Variants in TAF2 observed in about 807,000 individuals in gnomAD.
The protein encoded by TAF2 is transcription initiation factor TFIID subunit 2.
TAF2 carries 61 observed loss-of-function variants against 138.5 expected under a neutral mutation model. That is an observed-to-expected ratio of 0.44 (90% CI 0.36 to 0.54). The LOEUF (loss-of-function observed/expected upper bound fraction) is 0.54, where lower values mean the gene tolerates loss of function less well. Among genes scored for constraint, TAF2 ranks in the 20% least tolerant of loss-of-function variants. The pLI is 0.00. For missense variants in TAF2, 1,090 were observed against 1,427.9 expected, an observed-to-expected ratio of 0.76 and a Z score of 3.81; for synonymous variants, 475 against 469.9, an observed-to-expected ratio of 1.01 and a Z score of -0.14.
intron 25 of TAF2, among the ~76,000 whole-genome samples, chr8:119,734,501 T>TA (rs1819089244): frequency 6.6e-6 from 1 of 152,212 alleles, no homozygotes; most frequent in Non-Finnish European, 1.5e-5. Flanking sequence ...GTCCTGAAGT[T>TA]ACCTTTCCAG....
At position 119,794,485 on chromosome 8, in the gene TAF2, C is replaced by T. The variant is rs1024841814; in HGVS notation, c.1192-1034G>A. On this transcript the variant is annotated intron_variant, in intron 9 of 25. Transcript: ENST00000378164. Reference sequence around the variant, plus strand: ...TGCTTTAAATAATACAGATGTAGTACAGAAAAGTGGCAAACAGCATAGAGA... The same window carrying T: ...TGCTTTAAATAATACAGATGTAGTATAGAAAAGTGGCAAACAGCATAGAGA... 3.3e-5 allele frequency among the ~76,000 whole-genome samples: 5 copies of T among 151,588 alleles called. No individual in the cohort carries two copies. The South Asian group carries it at 1.0e-3, about 32-fold the overall frequency.
intron 23 of TAF2, among the ~76,000 whole-genome samples, chr8:119,746,399 G>C (rs1361514393): frequency 8.4e-6 from 1 of 119,190 alleles, no homozygotes; most frequent in Non-Finnish European, 1.9e-5. Context: ...AAAAAAAAAG[G>C]TTATTCGTTT....
At chr8:119,779,817 T>C (rs1332089836) in intron 17 of TAF2, among the ~76,000 whole-genome samples, 2 of 152,202 alleles carry the variant, frequency 1.3e-5, no homozygotes, top group Non-Finnish European at 2.9e-5. Flanking sequence ...AAAAAAGGAA[T>C]GTTGTTTTCT....
At chr8:119,816,323 CTGGGATTA>C (rs1825473911) in intron 3 of TAF2, among the ~76,000 whole-genome samples, 1 of 151,708 alleles carries the variant, frequency 6.6e-6, no homozygotes, top group African/African-American at 2.4e-5. Flanking sequence ...TCCCAGAGTG[CTGGGATTA>C]CAGGCATGAG....
At chr8:119,799,273 A>G (rs1425564319) in intron 6 of TAF2, among the ~76,000 whole-genome samples, 2 of 152,112 alleles carry the variant, frequency 1.3e-5, no homozygotes, top group African/African-American at 2.4e-5. Flanking sequence ...CATCATTTAT[A>G]TTAGGTATAT....
intron 11 of TAF2, among the ~76,000 whole-genome samples, chr8:119,790,266 T>C (rs919900536): frequency 2.0e-5 from 3 of 152,032 alleles, no homozygotes; most frequent in East Asian, 3.9e-4. Context: ...TGAAACCCCA[T>C]CTCTACAAAC....
chr8:119,776,360 T>G (rs1192833574), intron 18 of TAF2, among the ~76,000 whole-genome samples: 5 of 151,784 alleles, frequency 3.3e-5, no homozygotes. Context: ...TTTTTTTTTT[T>G]TTTTACTGTT....
intron 20 of TAF2, 56 bp downstream of exon 20, chr8:119,760,543 T>A: frequency 6.3e-7 from 1 of 1,598,812 alleles, no homozygotes; most frequent in East Asian, 2.2e-5. Context: ...ACACTGGCTT[T>A]AAAAAGTAAA....
chr8:119,816,753 T>C (rs1050628376), intron 3 of TAF2, among the ~76,000 whole-genome samples: 14 of 152,322 alleles, frequency 9.2e-5, no homozygotes, highest in Admixed American at 9.2e-4. Flanking sequence ...TTTTGTCATG[T>C]CTTATGAATC....
chr8:119,768,307 G>A (rs1300304512), intron 18 of TAF2, among the ~76,000 whole-genome samples: 5 of 152,146 alleles, frequency 3.3e-5, no homozygotes, highest in Admixed American at 6.5e-5. Context: ...GGTTTGCCTC[G>A]TCCAGTCCAC....
intron 18 of TAF2, among the ~76,000 whole-genome samples, chr8:119,771,966 A>T (rs1318183595): frequency 1.3e-5 from 2 of 152,218 alleles, no homozygotes; most frequent in Admixed American, 1.3e-4. Context: ...ATAAATTAAA[A>T]AAAATCAAAA....
At chr8:119,828,672 G>A (rs1826249448) in intron 2 of TAF2, among the ~76,000 whole-genome samples, 1 of 152,198 alleles carries the variant, frequency 6.6e-6, no homozygotes, top group Non-Finnish European at 1.5e-5. Flanking sequence ...GCTAAGGGAA[G>A]CAGGGACTGT....
At chr8:119,788,649 T>A in intron 13 of TAF2, 141 bp downstream of exon 13, 1 of 805,408 alleles carries the variant, frequency 1.2e-6, no homozygotes, top group Non-Finnish European at 2.1e-6. Context: ...TCTTCCCTTC[T>A]TTGACAAAGT....
In TAF2 at chr8:119,819,373, A is replaced by C; in HGVS notation, c.272T>G (p.Leu91Trp). ...EAAFIYNDPT[L>W]EVCHSESKQR... ...TTTTGATTCACTGTGACAAACTTCC[A>C]AGGTTGGGTCATTATAAATAAAAGC... is the stretch of plus-strand genomic sequence containing the variant. The change falls in exon 3 of 26, where the codon TTG (leucine) becomes TGG (tryptophan). Residue 91 changes from leucine (L) to tryptophan (W), a missense_variant. Leu to Trp is a moderately conservative substitution (Grantham distance 61, BLOSUM62 -2). Coordinates refer to ENST00000378164, the MANE Select transcript of TAF2 (RefSeq NM_003184.4). 6.2e-7 allele frequency: 1 copy of C among 1,613,036 alleles called. No individual in the cohort carries two copies. Among genetic ancestry groups the C allele is most frequent in the Non-Finnish European group, 8.5e-7 (1 of 1,179,636 alleles).
chr8:119,830,289 T>C (rs573773149), intron 2 of TAF2, among the ~76,000 whole-genome samples: 1 of 152,306 alleles, frequency 6.6e-6, no homozygotes, highest in East Asian at 1.9e-4. Flanking sequence ...ATTATGAAGA[T>C]TAAGTGAGTT....
At chr8:119,822,048 T>C (rs1015223457) in intron 2 of TAF2, among the ~76,000 whole-genome samples, 4 of 151,992 alleles carry the variant, frequency 2.6e-5, no homozygotes, top group Non-Finnish European at 5.9e-5. Context: ...AAAACTTACA[T>C]GGAAAACACT....
rs570334610 is a variant in TAF2, at chr8:119,783,646, A to G, written c.1860-13T>C. 1 of 1,610,226 alleles carries G rather than the reference A, an allele frequency of 6.2e-7. No individual in the cohort carries two copies. Among genetic ancestry groups the G allele is most frequent in the South Asian group, 1.1e-5 (1 of 90,098 alleles). ...AGGGGAATCAGCACTGCAAGAAAATACAATTTTCTTTTTAATTTAATTTTT... is the reference window on the plus strand; with the variant it reads ...AGGGGAATCAGCACTGCAAGAAAATGCAATTTTCTTTTTAATTTAATTTTT... On this transcript the variant is annotated splice_polypyrimidine_tract_variant and intron_variant, in intron 15 of 25. Transcript: ENST00000378164.
At chr8:119,762,995 G>C (rs1376036890) in intron 18 of TAF2, 2 of 180,402 alleles carry the variant, frequency 1.1e-5, no homozygotes, top group African/African-American at 4.8e-5. Flanking sequence ...CCTGGATATG[G>C]CTTGATTTAT....
intron 22 of TAF2, among the ~76,000 whole-genome samples, chr8:119,751,357 T>C (rs947808033): frequency 6.6e-6 from 1 of 152,250 alleles, no homozygotes; most frequent in Non-Finnish European, 1.5e-5. Flanking sequence ...ATTTAGATCC[T>C]AATCTATCTT....
Sources: allele counts gnomAD v4.1 joint callset (sites outside exome capture counted in the v4.1 genomes callset), GRCh38; gene constraint gnomAD v4.1.1; transcripts MANE v1.5; gene names NCBI Gene and HGNC (gene_info 2026-07-23, HGNC 2026-07-21).